The following FOXP1 variants were observed in gnomAD, a reference collection of about 807,000 sequenced individuals.
FOXP1 encodes the protein forkhead box protein P1.
A neutral mutation model predicts 98.2 loss-of-function variants in FOXP1; 15 were observed. The observed-to-expected ratio is 0.15, with a 90% CI of 0.10 to 0.24. FOXP1 has a LOEUF of 0.24. Ranked by LOEUF, FOXP1 falls within the 10% of genes least tolerant of loss-of-function variation. The pLI is 1.00. For missense variants in FOXP1, 633 were observed against 848.5 expected (o/e 0.75, Z 3.15); for synonymous variants, 371 against 314.5 (o/e 1.18, Z -1.90).
At chr3:70,974,818 G>A (rs1437747187) in intron 17 of FOXP1, among the ~76,000 whole-genome samples, 2 of 152,172 alleles carry the variant, frequency 1.3e-5, no homozygotes, top group South Asian at 4.1e-4. Context: ...GTACAGAAAT[G>A]AAAGGTCTTA....
chr3:71,465,014 T>C (rs2088545198), intron 3 of FOXP1, among the ~76,000 whole-genome samples: 1 of 152,126 alleles, frequency 6.6e-6, no homozygotes, highest in Admixed American at 6.5e-5. Flanking sequence ...ACTTAGAAGA[T>C]GGCCAGGCTA....
chr3:71,177,562 G>A (rs2062015189), intron 6 of FOXP1, among the ~76,000 whole-genome samples: 1 of 152,176 alleles, frequency 6.6e-6, no homozygotes, highest in East Asian at 1.9e-4. Flanking sequence ...CTCAGGCTCT[G>A]GAGTCGGGCA....
intron 2 of FOXP1, among the ~76,000 whole-genome samples, chr3:71,496,345 G>A (rs1188978941): frequency 6.6e-6 from 1 of 152,118 alleles, no homozygotes; most frequent in Admixed American, 6.5e-5. Flanking sequence ...TGGAAGATTG[G>A]GTGGAAAACG....
chr3:71,136,957 G>A (rs2059847517), intron 6 of FOXP1, among the ~76,000 whole-genome samples: 2 of 152,160 alleles, frequency 1.3e-5, no homozygotes, highest in African/African-American at 4.8e-5. Flanking sequence ...ATCAGCATAA[G>A]GATGTCATGC....
intron 2 of FOXP1, among the ~76,000 whole-genome samples, chr3:71,539,708 T>C (rs1293400237): frequency 6.6e-6 from 1 of 152,228 alleles, no homozygotes. Flanking sequence ...TTATATCTAT[T>C]CCTAAGTATT....
Position 71,030,044 on chromosome 3 carries a change from C to A in FOXP1, c.869+11284G>T, listed in dbSNP as rs115488594. ...GACGAGGTAAGGGCTGGTAGCATAC[C>A]CGATTCAGGGGTGGGAAACTGAGGC... On this transcript the variant is annotated intron_variant, in intron 11 of 20. Coordinates refer to ENST00000649528, the MANE Select transcript of FOXP1 (RefSeq NM_001349338.3). 5.5e-3 allele frequency among the ~76,000 whole-genome samples: 835 copies of A among 152,182 alleles called. 7 individuals are homozygous for A. Among genetic ancestry groups the A allele is most frequent in the African/African-American group, 0.019 (799 of 41,524 alleles).
At chr3:71,581,836 C>G (rs1445551679) in intron 1 of FOXP1, 139 bp from the exon 2 acceptor site, 1 of 986,060 alleles carries the variant, frequency 1.0e-6, no homozygotes, top group Non-Finnish European at 1.2e-6. Context: ...CCCGCGAGTG[C>G]GCGTGGAGGG....
At chr3:71,497,777 T>G (rs2091519084) in intron 2 of FOXP1, among the ~76,000 whole-genome samples, 1 of 152,118 alleles carries the variant, frequency 6.6e-6, no homozygotes, top group African/African-American at 2.4e-5. Flanking sequence ...CTATCAAACC[T>G]TTGTTCTTTT....
intron 10 of FOXP1, among the ~76,000 whole-genome samples, chr3:71,044,487 C>T (rs1021642845): frequency 2.6e-5 from 4 of 152,144 alleles, no homozygotes; most frequent in Admixed American, 6.6e-5. Flanking sequence ...AAAAACAACA[C>T]AAAATATCCC....
intron 5 of FOXP1, among the ~76,000 whole-genome samples, chr3:71,263,116 C>G (rs1412960742): frequency 6.6e-6 from 1 of 152,150 alleles, no homozygotes; most frequent in Admixed American, 6.5e-5. Context: ...AACCCCTGCC[C>G]TTCAGAACAC....
chr3:71,017,016 A>G (rs532145349), intron 11 of FOXP1, among the ~76,000 whole-genome samples: 1 of 152,234 alleles, frequency 6.6e-6, no homozygotes, highest in South Asian at 2.1e-4. Flanking sequence ...ATAAAAAAAA[A>G]GGAAAAGAAA....
intron 14 of FOXP1, among the ~76,000 whole-genome samples, chr3:70,979,641 C>T (rs928583329): frequency 2.6e-5 from 4 of 152,034 alleles, no homozygotes; most frequent in Non-Finnish European, 4.4e-5. Flanking sequence ...TTCACCATTG[C>T]TATAGTCAGT....
intron 2 of FOXP1, among the ~76,000 whole-genome samples, chr3:71,556,749 A>G (rs2046172796): frequency 6.6e-6 from 1 of 152,048 alleles, no homozygotes; most frequent in African/African-American, 2.4e-5. Context: ...TCAAGAGAAT[A>G]TCAATGTTCA....
chr3:71,424,125 G>A (rs894679045), intron 3 of FOXP1, among the ~76,000 whole-genome samples: 5 of 152,106 alleles, frequency 3.3e-5, no homozygotes, highest in African/African-American at 1.2e-4. Flanking sequence ...ATTTCTGCCA[G>A]AATGCCAACC....
chr3:70,976,049 CTTTTT>C (rs10610516), intron 17 of FOXP1, among the ~76,000 whole-genome samples: 12 of 115,724 alleles, frequency 1.0e-4, no homozygotes, highest in Middle Eastern at 4.1e-3. Flanking sequence ...GGACAATCTC[CTTTTT>C]TTTTTTTTTT....
intron 3 of FOXP1, among the ~76,000 whole-genome samples, chr3:71,403,665 A>G (rs1177179723): frequency 1.3e-5 from 2 of 152,238 alleles, no homozygotes; most frequent in Non-Finnish European, 2.9e-5. Flanking sequence ...CCTGGGCAAC[A>G]TGGCGAAACC....
chr3:71,561,183 A>G (rs2046504684), intron 2 of FOXP1, among the ~76,000 whole-genome samples: 1 of 151,948 alleles, frequency 6.6e-6, no homozygotes, highest in African/African-American at 2.4e-5. Flanking sequence ...CAGCCTCCTG[A>G]GTAGCTGGGA....
At chr3:71,350,266 C>A (rs2077692719) in intron 4 of FOXP1, among the ~76,000 whole-genome samples, 1 of 152,090 alleles carries the variant, frequency 6.6e-6, no homozygotes, top group Non-Finnish European at 1.5e-5. Context: ...GGGTTTAATC[C>A]TACTAAGTCC....
At chr3:71,015,487 A>AGCATGAAC in intron 12 of FOXP1, 62 bp downstream of exon 12, 1 of 1,158,666 alleles carries the variant, frequency 8.6e-7, no homozygotes. Flanking sequence ...TTATGAGCAA[A>AGCATGAAC]GCATGAACGG....
Sources: allele counts gnomAD v4.1 joint callset (sites outside exome capture counted in the v4.1 genomes callset), GRCh38; gene constraint gnomAD v4.1.1; transcripts MANE v1.5; gene names NCBI Gene and HGNC (gene_info 2026-07-23, HGNC 2026-07-21).